Variants in RNF213 observed in about 807,000 individuals in gnomAD.
RNF213 encodes ring finger protein 213.
In RNF213, 341 loss-of-function variants were observed where a neutral mutation model predicts 514.4. That is an observed-to-expected ratio of 0.66 (90% CI 0.61 to 0.73). RNF213 has a LOEUF of 0.73. RNF213 is among the 30% of genes least tolerant of loss of function. The pLI is 0.00. For synonymous variants in RNF213, 2,655 were observed against 2,658.2 expected (o/e 1.00, Z 0.04); for missense variants, 5,767 against 6,615.6 (o/e 0.87, Z 4.45).
chr17:80,384,030 C>CTATT, intron 59 of RNF213, 102 bp downstream of exon 59: 2 of 1,413,220 alleles, frequency 1.4e-6, no homozygotes, highest in Admixed American at 3.4e-5. Context: ...TCTTAACAGA[C>CTATT]TATTCCAGTG....
At chr17:80,269,551 A>G (rs1432527016) in intron 2 of RNF213, among the ~76,000 whole-genome samples, 1 of 150,804 alleles carries the variant, frequency 6.6e-6, no homozygotes, top group East Asian at 2.0e-4. Flanking sequence ...TCATCTATCC[A>G]TCTATTCTAT....
At chr17:80,362,909 C>T (rs1226395275) in intron 39 of RNF213, among the ~76,000 whole-genome samples, 193 bp from the exon 40 acceptor site, 1 of 152,122 alleles carries the variant, frequency 6.6e-6, no homozygotes, top group Non-Finnish European at 1.5e-5. Context: ...TGGCAAAAAG[C>T]CCAGACGACA....
At chr17:80,388,403 T>G (rs2080325754) in intron 63 of RNF213, 1 of 585,674 alleles carries the variant, frequency 1.7e-6, no homozygotes, top group South Asian at 1.9e-5. Flanking sequence ...TGTCATGTAA[T>G]TGGCTGTGAG....
rs962403677 is a variant in RNF213 at position 80,363,263 on chromosome 17, C to A, written c.11517C>A (p.Leu3839=). The A allele has an allele frequency of 2.5e-6, 4 of 1,613,966 alleles. No homozygotes were observed. The highest frequency in any genetic ancestry group is 2.5e-6 in the Non-Finnish European group (3 of 1,180,024). ...TCCTGACCATCTACCCTCAGGTTCT[C>A]CACAGCCTGATGGAAGCCCGTTGGA... The part of the protein sequence containing the change: ...SRILTIYPQV[L]HSLMEARWNH... Residue 3839 remains leucine, a synonymous_variant, in exon 40 of 68, where the codon CTC becomes CTA. Transcript: ENST00000582970.
chr17:80,313,550 G>T (rs2045649083), intron 15 of RNF213, among the ~76,000 whole-genome samples: 1 of 149,352 alleles, frequency 6.7e-6, no homozygotes, highest in African/African-American at 2.5e-5. Flanking sequence ...TGGACGTAAT[G>T]GAGGTGATGG....
At chr17:80,344,175 AC>A (rs1303333019) in intron 28 of RNF213, among the ~76,000 whole-genome samples, 160 bp downstream of exon 28, 3 of 152,148 alleles carry the variant, frequency 2.0e-5, no homozygotes, top group Non-Finnish European at 2.9e-5. Context: ...CTTTAAACTC[AC>A]TTTTTAATCA....
chr17:80,292,556 G>A (rs956379842), intron 8 of RNF213, among the ~76,000 whole-genome samples: 3 of 152,070 alleles, frequency 2.0e-5, no homozygotes, highest in Non-Finnish European at 4.4e-5. Flanking sequence ...CCAGAGCCCC[G>A]TCTGCAGGCT....
At chr17:80,295,525 G>C (rs2044903183) in intron 9 of RNF213, 32 bp from the exon 10 acceptor site, 1 of 1,613,488 alleles carries the variant, frequency 6.2e-7, no homozygotes, top group South Asian at 1.1e-5. Flanking sequence ...CAAGTCCATG[G>C]TTCATGCATC....
intron 5 of RNF213, among the ~76,000 whole-genome samples, chr17:80,289,121 C>T (rs1413010866): frequency 1.3e-5 from 2 of 152,126 alleles, no homozygotes; most frequent in Admixed American, 6.5e-5. Flanking sequence ...GTTCCCAGAG[C>T]GGCAGGGACG....
intron 42 of RNF213, 148 bp from the exon 43 acceptor site, chr17:80,367,600 T>A: frequency 3.0e-6 from 2 of 667,164 alleles, no homozygotes; most frequent in Non-Finnish European, 5.5e-6. Flanking sequence ...AGTTCAAGCG[T>A]TAAACACAGG....
intron 3 of RNF213, among the ~76,000 whole-genome samples, chr17:80,284,404 C>T (rs887770025): frequency 2.2e-4 from 33 of 151,844 alleles, no homozygotes; most frequent in African/African-American, 7.7e-4. Context: ...AATAGCTGGG[C>T]GTGGTGGCAT....
intron 56 of RNF213, 80 bp downstream of exon 56, chr17:80,381,067 G>A (rs2079980263): frequency 7.2e-7 from 1 of 1,389,520 alleles, no homozygotes; most frequent in South Asian, 1.2e-5. Context: ...TTTGTCTTGA[G>A]TCCTAGCTGC....
At position 80,288,178 on chromosome 17, in the gene RNF213, AT is replaced by A; in HGVS notation, c.626del (p.Ile209ThrfsTer67). 6.2e-7 allele frequency: 1 copy of A among 1,612,060 alleles called. No individual in the cohort carries two copies. The highest frequency in any genetic ancestry group is 8.5e-7 in the Non-Finnish European group (1 of 1,179,008). On this transcript the variant is annotated frameshift_variant, in exon 4 of 68. Coordinates refer to ENST00000582970, the MANE Select transcript of RNF213 (RefSeq NM_001256071.3). LOFTEE classifies it high-confidence loss of function. This position sits in a 1 kb window ranked among gnomAD's most constrained non-coding sequence, Gnocchi z 4.9. ...GGAAGGGGAGGACCAGGACGCTTCCATCCCCTCTGGGGGCAGAGGCCTGTCC... is the reference window on the plus strand; with the variant it reads ...GGAAGGGGAGGACCAGGACGCTTCCACCCCTCTGGGGGCAGAGGCCTGTCC... Reference protein sequence around the residue: ...HTEGEDQDASIPSGGRGLSQE... With the variant: ...HTEGEDQDASXPSGGRGLSQE...
At chr17:80,278,482 G>A (rs917309995) in intron 3 of RNF213, among the ~76,000 whole-genome samples, 7 of 152,310 alleles carry the variant, frequency 4.6e-5, no homozygotes, top group Middle Eastern at 3.4e-3. Context: ...GCAGGGTGCC[G>A]TGAGCCTGGC....
At chr17:80,393,070 T>C (rs1186295936) in intron 67 of RNF213, among the ~76,000 whole-genome samples, 1 of 152,108 alleles carries the variant, frequency 6.6e-6, no homozygotes, top group African/African-American at 2.4e-5. Flanking sequence ...CTCCACCTCC[T>C]GGACTCAAGT....
At chr17:80,293,839 CAT>C (rs971959688) in intron 8 of RNF213, among the ~76,000 whole-genome samples, 28 of 149,542 alleles carry the variant, frequency 1.9e-4, no homozygotes, top group South Asian at 6.3e-4. Flanking sequence ...AAAAAAAAAA[CAT>C]GTGATAGGGG....
chr17:80,398,370 T>A lies in RNF213; in HGVS notation c.*4872T>A, dbSNP rs1160019140. 1 of 152,172 alleles carries A rather than the reference T, an allele frequency of 6.6e-6. No individual in the cohort carries two copies. The highest frequency in any genetic ancestry group is 1.5e-5 in the Non-Finnish European group (1 of 68,036). 9.4% of individuals were successfully genotyped at this position (152,172 alleles called of 1,614,324 possible). The stretch of plus-strand genomic sequence containing the variant: ...AGTAAGACCACCCCACTAGGAACTA[T>A]GCTGAAAAATTTCAGGAAAGGATTT... On this transcript the variant is annotated 3_prime_UTR_variant, in exon 68 of 68. Transcript: ENST00000582970.
intron 42 of RNF213, among the ~76,000 whole-genome samples, chr17:80,366,188 G>A (rs757339392): frequency 3.3e-5 from 5 of 152,286 alleles, no homozygotes; most frequent in Admixed American, 1.3e-4. Flanking sequence ...GGAAGTTGTC[G>A]ACGGAACTGC....
At chr17:80,290,360 T>TGTGCGTGTGTGAGTGC (rs2044653273) in intron 6 of RNF213, among the ~76,000 whole-genome samples, 3 of 150,992 alleles carry the variant, frequency 2.0e-5, no homozygotes, top group African/African-American at 7.3e-5. Flanking sequence ...TGCATGTATG[T>TGTGCGTGTGTGAGTGC]GTGCGTGTGT....
Sources: gnomAD v4.1 joint callset for allele counts (sites outside exome capture counted in the v4.1 genomes callset) on GRCh38, gnomAD v4.1.1 for gene constraint, Gnocchi (gnomAD v3.1) non-coding constraint, MANE v1.5 for transcripts, NCBI Gene and HGNC (gene_info 2026-07-23, HGNC 2026-07-21) for gene names.